EPHA3: variants seen among roughly 807,000 people sequenced by gnomAD.
EPHA3 encodes EPH receptor A3.
A neutral mutation model predicts 107.1 loss-of-function variants in EPHA3; 42 were observed. That is an observed-to-expected ratio of 0.39 (90% confidence interval 0.31 to 0.51). EPHA3 has a LOEUF of 0.51. Ranked by LOEUF, EPHA3 falls within the 20% of genes least tolerant of loss-of-function variation. EPHA3 has a pLI of 0.78. For missense variants in EPHA3, 1,183 were observed against 1,211.2 expected (o/e 0.98, Z 0.35); for synonymous variants, 461 against 424.8 (o/e 1.09, Z -1.05).
At chr3:89,345,016 C>G (rs758605893) in intron 5 of EPHA3, among the ~76,000 whole-genome samples, 1 of 151,196 alleles carries the variant, frequency 6.6e-6, no homozygotes, top group African/African-American at 2.4e-5. Flanking sequence ...AAACTTATAA[C>G]GACATAAATT....
intron 3 of EPHA3, among the ~76,000 whole-genome samples, chr3:89,223,282 A>G (rs1339541944): frequency 2.0e-5 from 3 of 152,162 alleles, no homozygotes; most frequent in Non-Finnish European, 4.4e-5. Context: ...CGGAACTATT[A>G]GGAAAGGGAG....
At chr3:89,223,637 T>A (rs979465579) in intron 3 of EPHA3, among the ~76,000 whole-genome samples, 12 of 152,194 alleles carry the variant, frequency 7.9e-5, no homozygotes, top group African/African-American at 2.7e-4. Flanking sequence ...TTGGTATCCA[T>A]CTTAATTCCT....
chr3:89,476,854 C>T lies in EPHA3; in HGVS notation c.2847-2543C>T, dbSNP rs901611554. ...TGCTCTCCTGACCTCGTGATTCACCCGCCTCGGCCTCCCAAAGTGCTGGGA... is the reference window on the plus strand; with the variant it reads ...TGCTCTCCTGACCTCGTGATTCACCTGCCTCGGCCTCCCAAAGTGCTGGGA... On this transcript the variant is annotated intron_variant, in intron 16 of 16. Transcript: ENST00000336596. 1.2e-4 allele frequency among the ~76,000 whole-genome samples: 18 copies of T among 151,840 alleles called. No individual in the cohort carries two copies. In the East Asian group the frequency reaches 2.5e-3, roughly 21 times the overall value.
intron 3 of EPHA3, among the ~76,000 whole-genome samples, chr3:89,245,594 A>G (rs2107253316): frequency 6.6e-6 from 1 of 152,370 alleles, no homozygotes; most frequent in African/African-American, 2.4e-5. Context: ...TAGAGCAAAT[A>G]TAGAAATCTG....
rs1162224548 is a variant in EPHA3 at position 89,280,606 on chromosome 3, A to G, written c.815-60310A>G. Among the ~76,000 whole-genome samples the G allele has an allele frequency of 2.6e-5, 4 of 152,192 alleles. No homozygotes were observed. In the East Asian group the frequency reaches 7.7e-4, roughly 29 times the overall value. ...TTTTAGTTGCATTGAGCAATGCATC[A>G]ATGTAGTTACAAGACATGCATTTGG... On this transcript the variant is annotated intron_variant, in intron 3 of 16. Coordinates refer to ENST00000336596, the MANE Select transcript of EPHA3 (RefSeq NM_005233.6).
At chr3:89,320,123 CA>C (rs1228432601) in intron 3 of EPHA3, among the ~76,000 whole-genome samples, 3 of 151,814 alleles carry the variant, frequency 2.0e-5, no homozygotes, top group African/African-American at 7.3e-5. Context: ...CATTGCTAGT[CA>C]AAACTAGTCT....
chr3:89,217,210 T>C (rs549365014), intron 3 of EPHA3, among the ~76,000 whole-genome samples: 2 of 152,280 alleles, frequency 1.3e-5, no homozygotes, highest in South Asian at 2.1e-4. Flanking sequence ...AGTATAAGTG[T>C]TGATAATATT....
At position 89,326,578 on chromosome 3, in the gene EPHA3, TG is replaced by T. The variant is rs556699008; in HGVS notation, c.815-14334del. Among the ~76,000 whole-genome samples, 7 of 152,054 alleles carry T rather than the reference TG, an allele frequency of 4.6e-5. No individual in the cohort carries two copies. In the South Asian group the frequency reaches 1.5e-3, roughly 32 times the overall value. ...CTAATTTTTGTATTTTTTGTAGAGA[TG>T]GGGTTTCACCATGTTGCCCAGGCTG... On this transcript the variant is annotated intron_variant, in intron 3 of 16. Coordinates refer to ENST00000336596, the MANE Select transcript of EPHA3 (RefSeq NM_005233.6).
At chr3:89,231,115 C>T (rs766015882) in intron 3 of EPHA3, among the ~76,000 whole-genome samples, 1 of 151,980 alleles carries the variant, frequency 6.6e-6, no homozygotes, top group Non-Finnish European at 1.5e-5. Context: ...GTAATTAATT[C>T]TTTTAATAAT....
chr3:89,479,411 T>C lies in EPHA3; in HGVS notation c.2861T>C (p.Val954Ala). ...TTTTTTTACAGTGACATGAAAAAGGTTGGTGTCACCGTGGTTGGGCCACAG... is the reference window on the plus strand; with the variant it reads ...TTTTTTTACAGTGACATGAAAAAGGCTGGTGTCACCGTGGTTGGGCCACAG... The part of the protein sequence containing the change: ...AKISTDDMKK[V>A]GVTVVGPQKK... The change falls in exon 17 of 17, where the codon GTT becomes GCT. Residue 954 changes from valine to alanine, a missense_variant. Physicochemically the swap from Val to Ala is moderately conservative, Grantham distance 64. Transcript: ENST00000336596. 1 of 1,613,980 alleles carries C rather than the reference T, an allele frequency of 6.2e-7. No homozygotes were observed. Among genetic ancestry groups the C allele is most frequent in the Non-Finnish European group, 8.5e-7 (1 of 1,179,854 alleles).
chr3:89,182,471 T>G (rs996905665), intron 2 of EPHA3, among the ~76,000 whole-genome samples: 16 of 152,056 alleles, frequency 1.1e-4, no homozygotes, highest in Admixed American at 9.2e-4. Context: ...CTGAATAGAT[T>G]CTCAATTGAT....
intron 5 of EPHA3, among the ~76,000 whole-genome samples, chr3:89,389,258 T>A (rs1708679798): frequency 6.6e-6 from 1 of 152,150 alleles, no homozygotes; most frequent in South Asian, 2.1e-4. Context: ...GTTTCTAGAT[T>A]TAACAGAAGT....
intron 3 of EPHA3, among the ~76,000 whole-genome samples, chr3:89,313,874 A>T (rs1188705749): frequency 6.6e-6 from 1 of 152,018 alleles, no homozygotes; most frequent in Non-Finnish European, 1.5e-5. Context: ...ATAAAAAGAA[A>T]TATTCTCTTG....
Position 89,293,234 on chromosome 3 carries a change from T to C in EPHA3, c.815-47682T>C, listed in dbSNP as rs373563524. Among the ~76,000 whole-genome samples, 37 of 152,278 alleles carry C rather than the reference T, an allele frequency of 2.4e-4. 1 individual carries two copies. Among genetic ancestry groups the C allele is most frequent in the African/African-American group, 8.7e-4 (36 of 41,570 alleles). ...GGAATTTTGAAAGTTCTTTGTATTT[T>C]CTAAACACAAGTACTTTATCAGATT... On this transcript the variant is annotated intron_variant, in intron 3 of 16. Transcript: ENST00000336596.
intron 3 of EPHA3, among the ~76,000 whole-genome samples, chr3:89,248,121 A>G (rs1705078666): frequency 3.3e-5 from 5 of 152,182 alleles, no homozygotes; most frequent in Admixed American, 3.3e-4. Flanking sequence ...CTAATAAGGC[A>G]ATCAATCTAA....
At chr3:89,340,797 G>A in intron 3 of EPHA3, 119 bp from the exon 4 acceptor site, 1 of 1,075,144 alleles carries the variant, frequency 9.3e-7, no homozygotes, top group Admixed American at 3.1e-5. Flanking sequence ...GTAAATTCTT[G>A]GAGGAAAAAA....
intron 2 of EPHA3, among the ~76,000 whole-genome samples, chr3:89,135,794 T>C (rs1173819101): frequency 2.0e-5 from 3 of 151,154 alleles, no homozygotes; most frequent in African/African-American, 7.3e-5. Context: ...TAGCTTCATA[T>C]TGAAAATTAT....
intron 2 of EPHA3, among the ~76,000 whole-genome samples, chr3:89,173,328 G>A (rs1705249802): frequency 6.6e-6 from 1 of 151,860 alleles, no homozygotes; most frequent in Non-Finnish European, 1.5e-5. Context: ...AAAATCCAAG[G>A]CCAAAAATGC....
intron 3 of EPHA3, among the ~76,000 whole-genome samples, chr3:89,230,447 TTGTA>T (rs1432244874): frequency 6.6e-6 from 1 of 152,088 alleles, no homozygotes; most frequent in Non-Finnish European, 1.5e-5. Context: ...TCTTCAGACA[TTGTA>T]TGTGGAGTGA....
Sources: allele counts gnomAD v4.1 joint callset (sites outside exome capture counted in the v4.1 genomes callset), GRCh38; gene constraint gnomAD v4.1.1; transcripts MANE v1.5; gene names NCBI Gene and HGNC (gene_info 2026-07-23, HGNC 2026-07-21).